The following RIMS2 variants were observed in gnomAD, a reference collection of about 807,000 sequenced individuals.
RIMS2 encodes the protein regulating synaptic membrane exocytosis protein 2.
RIMS2 carries 59 observed loss-of-function variants against 174.4 expected under a neutral mutation model. That is an observed-to-expected ratio of 0.34 (90% CI 0.27 to 0.42). The LOEUF (loss-of-function observed/expected upper bound fraction) is 0.42. RIMS2 is among the 10% of genes least tolerant of loss of function. The probability of loss-of-function intolerance (pLI) is 1.00; values close to 1 mark genes in which losing one functional copy is unlikely to be tolerated. For synonymous variants in RIMS2, 606 were observed against 572.5 expected, an observed-to-expected ratio of 1.06 and a Z score of -0.84; for missense variants, 1,620 against 1,666.3, an observed-to-expected ratio of 0.97 and a Z score of 0.48.
chr8:103,757,475 A>G (rs2098037779), intron 2 of RIMS2, among the ~76,000 whole-genome samples: 1 of 152,102 alleles, frequency 6.6e-6, no homozygotes, highest in South Asian at 2.1e-4. Flanking sequence ...TTTGCTGTAT[A>G]AAATTAAGGA....
chr8:104,064,882 T>C (rs2097076785), intron 19 of RIMS2, among the ~76,000 whole-genome samples: 1 of 152,070 alleles, frequency 6.6e-6, no homozygotes, highest in South Asian at 2.1e-4. Context: ...TTTGATTTGA[T>C]TTCTAAGATA....
chr8:103,643,912 AC>A (rs2096276741), intron 1 of RIMS2, among the ~76,000 whole-genome samples: 1 of 152,010 alleles, frequency 6.6e-6, no homozygotes, highest in South Asian at 2.1e-4. Context: ...TTGGGTATTT[AC>A]CTTCCTCAGG....
chr8:103,998,267 A>T, intron 17 of RIMS2: 1 of 1,578,574 alleles, frequency 6.3e-7, no homozygotes, highest in South Asian at 1.1e-5. Flanking sequence ...TTTTCTTACA[A>T]TTGAGTCTGT....
intron 1 of RIMS2, among the ~76,000 whole-genome samples, chr8:103,591,621 T>G (rs984853973): frequency 2.0e-5 from 3 of 151,232 alleles, no homozygotes; most frequent in Non-Finnish European, 3.0e-5. Flanking sequence ...CTTTTAAAAA[T>G]TTTTTCCATA....
intron 1 of RIMS2, among the ~76,000 whole-genome samples, chr8:103,533,703 A>G (rs13248598): frequency 0.18 from 26,876 of 150,316 alleles, 2,683 homozygotes; most frequent in African/African-American, 0.25. Context: ...AAAACCTGAT[A>G]AAAGATAAAA....
chr8:103,939,931 C>G (rs1565430223), intron 13 of RIMS2, among the ~76,000 whole-genome samples: 1 of 152,128 alleles, frequency 6.6e-6, no homozygotes, highest in Non-Finnish European at 1.5e-5. Flanking sequence ...ATAACTCAGC[C>G]TGGACTTTAT....
intron 1 of RIMS2, among the ~76,000 whole-genome samples, chr8:103,596,950 A>C (rs2094500928): frequency 6.6e-6 from 1 of 152,074 alleles, no homozygotes; most frequent in African/African-American, 2.4e-5. Flanking sequence ...CCACAATATG[A>C]ATCTTAATAT....
chr8:103,574,783 C>A (rs2093089796), intron 1 of RIMS2, among the ~76,000 whole-genome samples: 1 of 152,148 alleles, frequency 6.6e-6, no homozygotes, highest in South Asian at 2.1e-4. Flanking sequence ...TACCTTAGAG[C>A]ATTCTTTGAT....
intron 19 of RIMS2, chr8:104,068,612 G>T: frequency 6.8e-7 from 1 of 1,471,228 alleles, no homozygotes; most frequent in East Asian, 2.4e-5. Flanking sequence ...ACCATTCGAA[G>T]GCAAGACATT....
intron 2 of RIMS2, among the ~76,000 whole-genome samples, chr8:103,713,139 C>T (rs1177567423): frequency 6.6e-6 from 1 of 152,126 alleles, no homozygotes; most frequent in African/African-American, 2.4e-5. Context: ...CTGCCTCAGC[C>T]TCCTGAGTAG....
At chr8:103,718,255 A>G (rs1442804432) in intron 2 of RIMS2, among the ~76,000 whole-genome samples, 1 of 152,218 alleles carries the variant, frequency 6.6e-6, no homozygotes, top group Non-Finnish European at 1.5e-5. Flanking sequence ...GGGCAGCTAG[A>G]TAGGTTAACC....
At chr8:104,179,371 T>C (rs746828906) in intron 19 of RIMS2, among the ~76,000 whole-genome samples, 2 of 152,018 alleles carry the variant, frequency 1.3e-5, no homozygotes, top group African/African-American at 4.8e-5. Flanking sequence ...TTCTTCATAC[T>C]TATGCTTATT....
chr8:103,789,553 G>A (rs1360660721), intron 3 of RIMS2, among the ~76,000 whole-genome samples: 3 of 152,112 alleles, frequency 2.0e-5, no homozygotes. Flanking sequence ...CATATTCACA[G>A]ATCCTGCCAA....
intron 19 of RIMS2, among the ~76,000 whole-genome samples, chr8:104,017,904 C>G (rs948649619): frequency 1.3e-5 from 2 of 151,696 alleles, no homozygotes; most frequent in African/African-American, 4.8e-5. Context: ...GGTGAAACCC[C>G]ATCGCTATAA....
chr8:103,578,881 A>C (rs1588151923), intron 1 of RIMS2, among the ~76,000 whole-genome samples: 2 of 152,126 alleles, frequency 1.3e-5, no homozygotes, highest in East Asian at 3.9e-4. Context: ...AATCCCAGCT[A>C]CTCAGGAAGC....
At chr8:103,827,290 T>C (rs2098797240) in intron 3 of RIMS2, among the ~76,000 whole-genome samples, 1 of 152,234 alleles carries the variant, frequency 6.6e-6, no homozygotes, top group Non-Finnish European at 1.5e-5. Context: ...TATATTAAAA[T>C]CTAACTTATT....
intron 1 of RIMS2, among the ~76,000 whole-genome samples, chr8:103,613,386 G>A (rs1229300385): frequency 6.6e-6 from 1 of 152,108 alleles, no homozygotes; most frequent in African/African-American, 2.4e-5. Flanking sequence ...TTCACTTAAC[G>A]CCCAAGGGCT....
intron 19 of RIMS2, among the ~76,000 whole-genome samples, chr8:104,163,470 ATGAT>A (rs2098776489): frequency 6.6e-6 from 1 of 152,206 alleles, no homozygotes; most frequent in African/African-American, 2.4e-5. Context: ...AAAAGTTCCA[ATGAT>A]ATACGAGTTT....
intron 19 of RIMS2, among the ~76,000 whole-genome samples, chr8:104,029,818 A>AT (rs2096348877): frequency 6.6e-6 from 1 of 152,188 alleles, no homozygotes; most frequent in African/African-American, 2.4e-5. Context: ...GTAGCATTTG[A>AT]TTTTGGGAAC....
Sources: gnomAD v4.1 joint callset for allele counts (sites outside exome capture counted in the v4.1 genomes callset) on GRCh38, gnomAD v4.1.1 for gene constraint, MANE v1.5 for transcripts, NCBI Gene and HGNC (gene_info 2026-07-23, HGNC 2026-07-21) for gene names.